Variants in KLHL32 observed in about 807,000 individuals in gnomAD.
KLHL32 encodes the protein kelch like family member 32.
A neutral mutation model predicts 64.8 loss-of-function variants in KLHL32; 35 were observed. The ratio of observed to expected loss-of-function variants is 0.54; its 90% CI spans 0.41 to 0.72. KLHL32 has a LOEUF of 0.72. Among genes scored for constraint, KLHL32 ranks in the 30% least tolerant of loss-of-function variants. KLHL32 has a pLI of 0.00. For synonymous variants in KLHL32, 259 were observed against 281.0 expected (o/e 0.92, Z 0.78); for missense variants, 589 against 768.5 (o/e 0.77, Z 2.76).
chr6:96,913,333 A>G, the KLHL32 span, among the ~76,000 whole-genome samples: 1 of 152,238 alleles, frequency 6.6e-6, no homozygotes, highest in African/African-American at 2.4e-5. Flanking sequence ...GACTAACTGC[A>G]ATAACCAATC....
At chr6:97,038,707 ATATC>A (rs1784656955) in intron 3 of KLHL32, among the ~76,000 whole-genome samples, 1 of 151,964 alleles carries the variant, frequency 6.6e-6, no homozygotes. Context: ...ATATATCTAT[ATATC>A]TATATATATC....
At chr6:97,028,128 T>C (rs1174297745) in intron 3 of KLHL32, among the ~76,000 whole-genome samples, 3 of 152,098 alleles carry the variant, frequency 2.0e-5, no homozygotes, top group African/African-American at 7.2e-5. Context: ...CCAGCTGTGC[T>C]TCTCAAACAT....
intron 3 of KLHL32, among the ~76,000 whole-genome samples, chr6:97,015,939 G>A (rs1162711375): frequency 6.6e-6 from 1 of 152,210 alleles, no homozygotes; most frequent in Non-Finnish European, 1.5e-5. Flanking sequence ...GAGGGCACAA[G>A]CTCCAAGCCT....
chr6:97,105,522 G>T, intron 6 of KLHL32: 1 of 471,128 alleles, frequency 2.1e-6, no homozygotes, highest in Non-Finnish European at 4.4e-6. Context: ...GACAAGACTG[G>T]TAAGGATATG....
upstream of KLHL32, among the ~76,000 whole-genome samples, chr6:96,920,648 T>C (rs748557585): frequency 6.6e-6 from 1 of 152,156 alleles, no homozygotes. Context: ...TACCTATTGA[T>C]CTTCCACTTG....
chr6:97,133,902 A>C (rs951137691), intron 10 of KLHL32, among the ~76,000 whole-genome samples: 1 of 152,230 alleles, frequency 6.6e-6, no homozygotes, highest in African/African-American at 2.4e-5. Flanking sequence ...TACAAAAACC[A>C]GTCATGTACT....
intron 4 of KLHL32, among the ~76,000 whole-genome samples, chr6:97,063,319 A>G (rs1217730150): frequency 6.6e-6 from 1 of 152,218 alleles, no homozygotes; most frequent in Non-Finnish European, 1.5e-5. Flanking sequence ...GATTCGATAT[A>G]AGGCCTAAGG....
At chr6:96,985,424 G>A (rs1204365816) in intron 3 of KLHL32, among the ~76,000 whole-genome samples, 1 of 152,142 alleles carries the variant, frequency 6.6e-6, no homozygotes, top group Non-Finnish European at 1.5e-5. Flanking sequence ...GGCCTGCCTT[G>A]CTAGGTTGGG....
chr6:97,010,429 C>T (rs1780254610), intron 3 of KLHL32, among the ~76,000 whole-genome samples: 1 of 152,138 alleles, frequency 6.6e-6, no homozygotes. Context: ...ATAAGTGTAG[C>T]AAATATTTTT....
At chr6:97,137,430 T>C (rs909275797) in intron 10 of KLHL32, among the ~76,000 whole-genome samples, 6 of 152,208 alleles carry the variant, frequency 3.9e-5, no homozygotes, top group Non-Finnish European at 1.5e-5. Flanking sequence ...ACTTGTTTGT[T>C]CTTTCTTTTA....
chr6:96,909,193 T>C, the KLHL32 span, among the ~76,000 whole-genome samples: 346 of 152,174 alleles, frequency 2.3e-3, no homozygotes, highest in Non-Finnish European at 3.9e-3. Flanking sequence ...GCCTATCCTT[T>C]GGTAGGGTTA....
intron 3 of KLHL32, among the ~76,000 whole-genome samples, chr6:97,002,938 G>A (rs985677854): frequency 3.9e-5 from 6 of 151,990 alleles, no homozygotes; most frequent in Non-Finnish European, 7.4e-5. Flanking sequence ...CTTTGCTATC[G>A]TAAATAATGC....
chr6:96,988,920 C>T (rs537856731), intron 3 of KLHL32, among the ~76,000 whole-genome samples: 2 of 150,672 alleles, frequency 1.3e-5, no homozygotes, highest in South Asian at 4.2e-4. Context: ...CACATGGAGA[C>T]AGGAAGGGGA....
chr6:96,976,726 G>A (rs1775739107), intron 3 of KLHL32, among the ~76,000 whole-genome samples: 1 of 152,044 alleles, frequency 6.6e-6, no homozygotes, highest in Non-Finnish European at 1.5e-5. Flanking sequence ...AGCCTCCTGA[G>A]TAGCTGGGAT....
intron 6 of KLHL32, among the ~76,000 whole-genome samples, chr6:97,107,067 C>T (rs927011624): frequency 1.3e-5 from 2 of 152,088 alleles, no homozygotes; most frequent in Admixed American, 1.3e-4. Flanking sequence ...CGAAGGCGGG[C>T]GGATCACGAG....
intron 7 of KLHL32, among the ~76,000 whole-genome samples, chr6:97,117,486 T>C (rs933820029): frequency 6.6e-5 from 10 of 152,186 alleles, no homozygotes; most frequent in Non-Finnish European, 4.4e-5. Context: ...TTGGTCCATT[T>C]TGGGGTCAGG....
the KLHL32 span, among the ~76,000 whole-genome samples, chr6:96,918,568 T>C: frequency 6.6e-6 from 1 of 152,224 alleles, no homozygotes; most frequent in African/African-American, 2.4e-5. Context: ...TGATGAACTT[T>C]CTGTGAAAAT....
chr6:97,000,475 T>A (rs898341161), intron 3 of KLHL32, among the ~76,000 whole-genome samples: 1 of 152,218 alleles, frequency 6.6e-6, no homozygotes, highest in Admixed American at 6.5e-5. Context: ...TTGTCCCAGA[T>A]GTTTAAGGAG....
At chr6:96,982,599 C>T (rs1277941501) in intron 3 of KLHL32, among the ~76,000 whole-genome samples, 1 of 152,224 alleles carries the variant, frequency 6.6e-6, no homozygotes, top group East Asian at 1.9e-4. Flanking sequence ...CCTTCACATC[C>T]CTTGTAAGTT....
Sources: allele counts gnomAD v4.1 joint callset (sites outside exome capture counted in the v4.1 genomes callset), GRCh38; gene constraint gnomAD v4.1.1; transcripts MANE v1.5; gene names NCBI Gene and HGNC (gene_info 2026-07-23, HGNC 2026-07-21).